The following SESTD1 variants were observed in gnomAD, a reference collection of about 807,000 sequenced individuals.
The protein encoded by SESTD1 is SEC14 and spectrin domain containing 1.
Under a neutral mutation model 101.7 loss-of-function variants are expected in SESTD1, and 43 were observed. The observed-to-expected ratio is 0.42, with a 90% CI of 0.33 to 0.55. SESTD1 has a LOEUF of 0.55. Among genes scored for constraint, SESTD1 ranks in the 20% least tolerant of loss-of-function variants. The pLI is 0.07. For synonymous variants in SESTD1, 283 were observed against 286.8 expected, an observed-to-expected ratio of 0.99 and a Z score of 0.13; for missense variants, 647 against 815.1, an observed-to-expected ratio of 0.79 and a Z score of 2.51.
At chr2:179,227,248 T>C (rs2046901262) in intron 1 of SESTD1, among the ~76,000 whole-genome samples, 1 of 152,196 alleles carries the variant, frequency 6.6e-6, no homozygotes, top group Non-Finnish European at 1.5e-5. Context: ...TTTATAAAAT[T>C]ACATCTTAAC....
rs759208679 is a variant in SESTD1 at position 179,172,167 on chromosome 2, C to T, written c.322G>A (p.Val108Ile). ...TCCTTCCAAAAACAAAAATGCGTTA[C>T]TTTCTTATCCCAGAATTCATCTGGC... ...VKPDEFWDKK[V>I]THFCFWKEKD... Residue 108 changes from valine to isoleucine, a missense_variant, in exon 5 of 18, where the codon GTA (valine) becomes ATA (isoleucine). By Grantham distance (29) the Val-to-Ile change is conservative (BLOSUM62 3). This residue lies in a region of SESTD1 where 168 missense variants were observed against 235.1 expected (regional missense o/e 0.71). Coordinates refer to ENST00000428443, the MANE Select transcript of SESTD1 (RefSeq NM_178123.5). 2 of 1,609,992 alleles carry T rather than the reference C, an allele frequency of 1.2e-6. No homozygotes were observed. Among genetic ancestry groups the T allele is most frequent in the African/African-American group, 2.7e-5 (2 of 74,868 alleles).
Position 179,240,588 on chromosome 2 carries a change from C to T in SESTD1, c.-26+23911G>A, listed in dbSNP as rs140306707. ...ACAAAAATAAAGCCCCAACAAAAGC[C>T]GCCAGTCAAAAGACCAGGAAGGAGC... On this transcript the variant is annotated intron_variant, in intron 1 of 17. Transcript: ENST00000428443. Among the ~76,000 whole-genome samples, 502 of 152,028 alleles carry T rather than the reference C, an allele frequency of 3.3e-3. 3 individuals carry two copies. Among genetic ancestry groups the T allele is most frequent in the Middle Eastern group, 0.01 (3 of 294 alleles).
At chr2:179,127,986 G>A (rs1444978845) in intron 10 of SESTD1, among the ~76,000 whole-genome samples, 1 of 152,148 alleles carries the variant, frequency 6.6e-6, no homozygotes, top group African/African-American at 2.4e-5. Flanking sequence ...TAATAGCAAC[G>A]ATTCTGAGAA....
intron 1 of SESTD1, among the ~76,000 whole-genome samples, chr2:179,259,802 C>T (rs1488507979): frequency 6.6e-6 from 1 of 152,118 alleles, no homozygotes; most frequent in East Asian, 1.9e-4. Context: ...TCATAACTGC[C>T]CTATAAGTGT....
intron 1 of SESTD1, among the ~76,000 whole-genome samples, chr2:179,194,269 T>C (rs2046358749): frequency 6.6e-6 from 1 of 152,126 alleles, no homozygotes; most frequent in Admixed American, 6.6e-5. Flanking sequence ...CCCCTTCTCA[T>C]ACTAGGTCAG....
In SESTD1 at chr2:179,143,601, C is replaced by T. The variant is rs1400949139; in HGVS notation, c.840G>A (p.Lys280=). The T allele has an allele frequency of 6.2e-7, 1 of 1,613,644 alleles. No individual in the cohort carries two copies. The highest frequency in any genetic ancestry group is 1.1e-5 in the South Asian group (1 of 91,044). The change falls in exon 9 of 18, where the codon AAG becomes AAA. Residue 280 remains lysine (K), a synonymous_variant. Coordinates refer to ENST00000428443, the MANE Select transcript of SESTD1 (RefSeq NM_178123.5). The part of the protein sequence containing the change: ...KRTQLEEIQQ[K]VMQVVNWLEG... ...CAAATCAGACACCTACCTGCATTAC[C>T]TTCTGTTGAATCTCTTCTAACTGTG...
intron 17 of SESTD1, among the ~76,000 whole-genome samples, chr2:179,111,614 G>A (rs2044508838): frequency 6.6e-6 from 1 of 151,974 alleles, no homozygotes; most frequent in Admixed American, 6.5e-5. Flanking sequence ...TTTATTTACT[G>A]GTTTGGTTAC....
intron 1 of SESTD1, among the ~76,000 whole-genome samples, chr2:179,226,448 G>A (rs919543092): frequency 3.3e-5 from 5 of 152,132 alleles, no homozygotes; most frequent in African/African-American, 1.2e-4. Context: ...GACCGCAGTC[G>A]TTTTCCCAGC....
chr2:179,229,646 G>C (rs150309839), intron 1 of SESTD1, among the ~76,000 whole-genome samples: 4,284 of 151,132 alleles, frequency 0.028, 84 homozygotes, highest in Admixed American at 0.035. Context: ...AGAAAATAAT[G>C]TGTGTTTTTG....
In SESTD1 at chr2:179,103,545, A is replaced by G. The variant is rs1003370585; in HGVS notation, c.*6354T>C. ...CTGGAAACAGCCCAGGTATCTATCA[A>G]TAATAGGAAATTAAGAAAACAAACT... On this transcript the variant is annotated 3_prime_UTR_variant, in exon 18 of 18. Transcript: ENST00000428443. 6.6e-6 allele frequency: 1 copy of G among 152,140 alleles called. No individual in the cohort carries two copies. Among genetic ancestry groups the G allele is most frequent in the Non-Finnish European group, 1.5e-5 (1 of 68,012 alleles). The allele number at this position is 152,140 out of a possible 1,614,324, so 9.4% of individuals were successfully genotyped here. A position where few individuals can be genotyped will look rare whatever the true frequency, so the allele number is the denominator to read the frequency against.
chr2:179,238,517 T>G (rs1258056173), intron 1 of SESTD1, among the ~76,000 whole-genome samples: 5 of 152,180 alleles, frequency 3.3e-5, no homozygotes, highest in Non-Finnish European at 7.4e-5. Flanking sequence ...TCTAATAATG[T>G]TCTTATTACC....
At chr2:179,125,330 G>A (rs961278402) in intron 10 of SESTD1, among the ~76,000 whole-genome samples, 1 of 152,140 alleles carries the variant, frequency 6.6e-6, no homozygotes, top group African/African-American at 2.4e-5. Flanking sequence ...GAGAACCTCT[G>A]TCCTCACTTC....
rs1185575005 is a variant in SESTD1, at chr2:179,101,855, A to G, written c.*8044T>C. 1.3e-5 allele frequency: 2 copies of G among 152,164 alleles called. No individual in the cohort carries two copies. Among genetic ancestry groups the G allele is most frequent in the Non-Finnish European group, 2.9e-5 (2 of 68,004 alleles). The allele number at this position is 152,164 out of a possible 1,614,324, so 9.4% of individuals were successfully genotyped here. A position where few individuals can be genotyped will look rare whatever the true frequency, so the allele number is the denominator to read the frequency against. ...CATGTCCATTAATAACAAATGTACA[A>G]TGTCTTCTATATATTTTTTTGCTTG... On this transcript the variant is annotated 3_prime_UTR_variant, in exon 18 of 18. Transcript: ENST00000428443.
At position 179,105,373 on chromosome 2, in the gene SESTD1, G is replaced by T. The variant is rs960377263; in HGVS notation, c.*4526C>A. ...ATACTCATCACTTGTCTTCCATCTTGCTGTTCTATTATCTTCCTACAAAAA... is the reference window on the plus strand; with the variant it reads ...ATACTCATCACTTGTCTTCCATCTTTCTGTTCTATTATCTTCCTACAAAAA... On this transcript the variant is annotated 3_prime_UTR_variant, in exon 18 of 18. Transcript: ENST00000428443. 6.6e-6 allele frequency: 1 copy of T among 151,952 alleles called. No homozygotes were observed. Among genetic ancestry groups the T allele is most frequent in the Non-Finnish European group, 1.5e-5 (1 of 67,992 alleles). The allele number at this position is 151,952 out of a possible 1,614,324, so 9.4% of individuals were successfully genotyped here.
chr2:179,247,891 T>C (rs776901694), intron 1 of SESTD1, among the ~76,000 whole-genome samples: 17 of 151,754 alleles, frequency 1.1e-4, no homozygotes, highest in Non-Finnish European at 2.2e-4. Flanking sequence ...TTGAACTGAA[T>C]GAAAAATGAA....
chr2:179,238,955 C>T (rs953024291), intron 1 of SESTD1, among the ~76,000 whole-genome samples: 7 of 152,166 alleles, frequency 4.6e-5, no homozygotes, highest in Non-Finnish European at 1.0e-4. Context: ...AATACATTAA[C>T]TACTTACATG....
At chr2:179,180,553 T>C (rs927313917) in intron 3 of SESTD1, among the ~76,000 whole-genome samples, 1 of 152,132 alleles carries the variant, frequency 6.6e-6, no homozygotes, top group African/African-American at 2.4e-5. Context: ...CTTAAAAACA[T>C]TCCTAAGGAC....
At chr2:179,165,034 C>T (rs1474047778) in intron 5 of SESTD1, among the ~76,000 whole-genome samples, 1 of 152,082 alleles carries the variant, frequency 6.6e-6, no homozygotes. Context: ...AAACGAGCAT[C>T]TATGTTGGAT....
chr2:179,217,981 G>C (rs2105523670), intron 1 of SESTD1, among the ~76,000 whole-genome samples: 1 of 152,176 alleles, frequency 6.6e-6, no homozygotes, highest in African/African-American at 2.4e-5. Flanking sequence ...GGCCTGTTGG[G>C]GGTTGCGGGG....
Sources: allele counts gnomAD v4.1 joint callset (sites outside exome capture counted in the v4.1 genomes callset), GRCh38; gene constraint gnomAD v4.1.1; regional missense constraint gnomAD v4.1.1; transcripts MANE v1.5; gene names NCBI Gene and HGNC (gene_info 2026-07-23, HGNC 2026-07-21).